The following SLC26A7 variants were observed in gnomAD, a reference collection of about 807,000 sequenced individuals.
SLC26A7 encodes anion exchange transporter.
A neutral mutation model predicts 82.5 loss-of-function variants in SLC26A7; 59 were observed. The observed-to-expected ratio is 0.72, with a 90% confidence interval of 0.58 to 0.89. SLC26A7 has a LOEUF of 0.89. Among genes scored for constraint, SLC26A7 ranks in the 40% least tolerant of loss-of-function variants. The pLI is 0.00. For synonymous variants in SLC26A7, 271 were observed against 274.3 expected, an observed-to-expected ratio of 0.99 and a Z score of 0.12; for missense variants, 820 against 793.0, an observed-to-expected ratio of 1.03 and a Z score of -0.41.
At chr8:91,367,980 G>A (rs969476139) in intron 14 of SLC26A7, among the ~76,000 whole-genome samples, 6 of 152,136 alleles carry the variant, frequency 3.9e-5, no homozygotes, top group Non-Finnish European at 5.9e-5. Flanking sequence ...CTTATATACA[G>A]GATCAGATAC....
At chr8:91,370,340 C>T (rs925015226) in intron 15 of SLC26A7, among the ~76,000 whole-genome samples, 1 of 151,628 alleles carries the variant, frequency 6.6e-6, no homozygotes, top group Non-Finnish European at 1.5e-5. Flanking sequence ...TTCCTCCTCT[C>T]CCACCTCTTT....
At chr8:91,232,201 A>G (rs892874673) in intron 2 of SLC26A7, among the ~76,000 whole-genome samples, 2 of 152,206 alleles carry the variant, frequency 1.3e-5, no homozygotes, top group Non-Finnish European at 2.9e-5. Flanking sequence ...AAGTCTTTCA[A>G]TGTAAGCATT....
chr8:91,228,097 A>G (rs1286085171), intron 2 of SLC26A7, among the ~76,000 whole-genome samples: 1 of 152,232 alleles, frequency 6.6e-6, no homozygotes, highest in Non-Finnish European at 1.5e-5. Context: ...CTGGAGACTC[A>G]TAGAGCAGCC....
intron 9 of SLC26A7, among the ~76,000 whole-genome samples, chr8:91,350,359 A>G (rs187658898): frequency 6.6e-6 from 1 of 151,012 alleles, no homozygotes; most frequent in Admixed American, 6.6e-5. Flanking sequence ...TTTTTTTTTT[A>G]AATTAAAAGT....
rs1810602550 is a variant in SLC26A7 at position 91,249,611 on chromosome 8, T to C, written c.-41T>C. On this transcript the variant is annotated 5_prime_UTR_variant, in exon 2 of 19. Transcript: ENST00000276609. ...AGGTGTTCTGCAATGATTTTTTTTCTTGTTTAGAGAAGTTTACTTCTACAA... is the reference window on the plus strand; with the variant it reads ...AGGTGTTCTGCAATGATTTTTTTTCCTGTTTAGAGAAGTTTACTTCTACAA... 1 of 1,448,858 alleles carries C rather than the reference T, an allele frequency of 6.9e-7. No homozygotes were observed. Among genetic ancestry groups the C allele is most frequent in the East Asian group, 2.5e-5 (1 of 39,390 alleles). 89.8% of individuals were successfully genotyped at this position (1,448,858 alleles called of 1,614,324 possible).
intron 4 of SLC26A7, among the ~76,000 whole-genome samples, chr8:91,296,525 TTGA>T (rs1246077235): frequency 6.6e-6 from 1 of 151,946 alleles, no homozygotes; most frequent in Non-Finnish European, 1.5e-5. Flanking sequence ...CGAAAAATAG[TTGA>T]TGATTGGCTG....
At chr8:91,385,304 G>C (rs756882999) in intron 15 of SLC26A7, among the ~76,000 whole-genome samples, 1 of 152,116 alleles carries the variant, frequency 6.6e-6, no homozygotes, top group African/African-American at 2.4e-5. Context: ...TTATTGCTCT[G>C]GTTGATTTCC....
At chr8:91,325,299 T>C (rs951376391) in intron 5 of SLC26A7, among the ~76,000 whole-genome samples, 4 of 152,132 alleles carry the variant, frequency 2.6e-5, no homozygotes, top group Non-Finnish European at 5.9e-5. Context: ...CTGAAAGTGT[T>C]AATTCCCCTA....
chr8:91,298,764 C>G (rs183353650), intron 4 of SLC26A7, among the ~76,000 whole-genome samples: 24 of 152,230 alleles, frequency 1.6e-4, no homozygotes, highest in African/African-American at 5.3e-4. Context: ...TGTCACTTCC[C>G]TTCCCTAATG....
intron 4 of SLC26A7, among the ~76,000 whole-genome samples, chr8:91,308,989 T>G (rs1273537351): frequency 1.3e-5 from 2 of 152,256 alleles, no homozygotes; most frequent in East Asian, 3.9e-4. Flanking sequence ...TCTGGTTTGT[T>G]TTATTAGAGA....
intron 14 of SLC26A7, 88 bp downstream of exon 14, chr8:91,366,805 TCA>T (rs1381030749): frequency 7.1e-7 from 1 of 1,417,276 alleles, no homozygotes; most frequent in Non-Finnish European, 9.5e-7. Flanking sequence ...TAATAATACA[TCA>T]CACGAGTATT....
chr8:91,281,552 A>G (rs774814531), intron 2 of SLC26A7, among the ~76,000 whole-genome samples: 2 of 152,198 alleles, frequency 1.3e-5, no homozygotes, highest in Admixed American at 6.5e-5. Flanking sequence ...AGCAAATACA[A>G]AAGTCTGCCT....
intron 2 of SLC26A7, among the ~76,000 whole-genome samples, chr8:91,275,136 G>C (rs771616829): frequency 3.9e-5 from 6 of 151,944 alleles, no homozygotes; most frequent in Non-Finnish European, 8.8e-5. Context: ...AATCCAAAAC[G>C]GCATAGGAAA....
chr8:91,341,490 G>T (rs1281820946), intron 8 of SLC26A7, among the ~76,000 whole-genome samples: 1 of 152,204 alleles, frequency 6.6e-6, no homozygotes, highest in African/African-American at 2.4e-5. Flanking sequence ...AACTACCTGT[G>T]TGTAAATCTC....
At chr8:91,238,138 A>G (rs561201664) in intron 2 of SLC26A7, among the ~76,000 whole-genome samples, 79 of 152,328 alleles carry the variant, frequency 5.2e-4, no homozygotes, top group Non-Finnish European at 1.0e-3. Flanking sequence ...CAATCTAATA[A>G]CATTATAAAC....
chr8:91,314,809 T>C (rs1248543320), intron 4 of SLC26A7, among the ~76,000 whole-genome samples: 1 of 152,184 alleles, frequency 6.6e-6, no homozygotes, highest in African/African-American at 2.4e-5. Context: ...TTTTGAGTCT[T>C]TAGACATTTT....
intron 13 of SLC26A7, among the ~76,000 whole-genome samples, chr8:91,365,325 C>T (rs1309394529): frequency 6.6e-6 from 1 of 151,946 alleles, no homozygotes; most frequent in Non-Finnish European, 1.5e-5. Context: ...ACAAAAATTG[C>T]AAAAAAGTCT....
At chr8:91,320,825 T>C (rs1188889955) in intron 5 of SLC26A7, among the ~76,000 whole-genome samples, 3 of 152,200 alleles carry the variant, frequency 2.0e-5, no homozygotes, top group East Asian at 3.8e-4. Flanking sequence ...GTTTTCACAA[T>C]TGTTATATCC....
intron 4 of SLC26A7, among the ~76,000 whole-genome samples, chr8:91,301,177 G>T (rs1202464211): frequency 6.6e-6 from 1 of 152,046 alleles, no homozygotes; most frequent in African/African-American, 2.4e-5. Flanking sequence ...TTTTTCTTTA[G>T]TGGTACTGGA....
Sources: allele counts gnomAD v4.1 joint callset (sites outside exome capture counted in the v4.1 genomes callset), GRCh38; gene constraint gnomAD v4.1.1; transcripts MANE v1.5; gene names NCBI Gene and HGNC (gene_info 2026-07-23, HGNC 2026-07-21).